Variants in SMPX observed in about 807,000 individuals in gnomAD.
SMPX encodes small muscle protein X-linked.
In SMPX, 2 loss-of-function variants were observed where a neutral mutation model predicts 6.3. The observed-to-expected ratio is 0.32, with a 90% CI of 0.13 to 0.99. The LOEUF (loss-of-function observed/expected upper bound fraction) is 0.99, where lower values mean the gene tolerates loss of function less well. SMPX is among the 50% of genes least tolerant of loss of function. The pLI, the probability that SMPX is intolerant of heterozygous loss-of-function variation, is 0.49. For missense variants in SMPX, 60 were observed against 66.8 expected, an observed-to-expected ratio of 0.90 and a Z score of 0.36; for synonymous variants, 32 against 24.7, an observed-to-expected ratio of 1.30 and a Z score of -0.88.
At chrX:21,725,021 A>G (rs915972480) in intron 4 of SMPX, among the ~76,000 whole-genome samples, 7 of 112,435 alleles carry the variant, frequency 6.2e-5, no homozygotes, top group Non-Finnish European at 1.1e-4. Context: ...CCTGGCCTGT[A>G]TGATGCCCCT....
chrX:21,744,214 G>A (rs1013649186), intron 2 of SMPX, among the ~76,000 whole-genome samples: 11 of 111,614 alleles, frequency 9.9e-5, no homozygotes, highest in African/African-American at 3.6e-4. Context: ...AAGAGCATCT[G>A]CATAAGTCAT....
chrX:21,745,746 A>G (rs1409140232), intron 2 of SMPX, among the ~76,000 whole-genome samples: 1 of 111,943 alleles, frequency 8.9e-6, no homozygotes, highest in East Asian at 2.8e-4. Flanking sequence ...CCATTTATTA[A>G]GCATCTACAG....
chrX:21,734,401 T>C (rs1259222651), intron 4 of SMPX, among the ~76,000 whole-genome samples: 1 of 111,778 alleles, frequency 8.9e-6, no homozygotes, highest in African/African-American at 3.3e-5. Context: ...TGGTTTCTGA[T>C]AGTGGCCCTG....
chrX:21,746,517 G>A (rs987587340), intron 2 of SMPX, among the ~76,000 whole-genome samples: 6 of 111,214 alleles, frequency 5.4e-5, no homozygotes, highest in South Asian at 3.8e-4. Flanking sequence ...CTTTGAAAAC[G>A]AGCAGATAAA....
chrX:21,756,280 A>G (rs978202389), intron 1 of SMPX, among the ~76,000 whole-genome samples: 10 of 112,473 alleles, frequency 8.9e-5, no homozygotes, highest in East Asian at 8.4e-4. Context: ...AAATTAGTCA[A>G]TGAATGATTG....
At chrX:21,722,806 G>A (rs1435254391) in intron 4 of SMPX, among the ~76,000 whole-genome samples, 2 of 110,982 alleles carry the variant, frequency 1.8e-5, no homozygotes, top group Non-Finnish European at 3.8e-5. Context: ...GTGTGACCTT[G>A]CGGAAAGTCA....
chrX:21,719,391 G>A (rs764474588), intron 4 of SMPX, among the ~76,000 whole-genome samples: 104 of 110,610 alleles, frequency 9.4e-4, no homozygotes, highest in Middle Eastern at 4.7e-3. Context: ...GGTGACGCAC[G>A]CCTGTAATCC....
At chrX:21,717,137 C>G (rs1375702900) in intron 4 of SMPX, among the ~76,000 whole-genome samples, 1 of 111,717 alleles carries the variant, frequency 9.0e-6, no homozygotes, top group Non-Finnish European at 1.9e-5. Context: ...CAAATCTCAT[C>G]TTGAATTGTA....
chrX:21,753,783 A>C (rs768037193), intron 2 of SMPX, among the ~76,000 whole-genome samples: 1 of 112,358 alleles, frequency 8.9e-6, no homozygotes, highest in South Asian at 3.7e-4. Flanking sequence ...ACAACTAATA[A>C]CATATGAATT....
intron 2 of SMPX, among the ~76,000 whole-genome samples, chrX:21,749,512 C>T (rs1052924152): frequency 1.8e-5 from 2 of 111,812 alleles, no homozygotes; most frequent in Non-Finnish European, 3.8e-5. Context: ...CCCACTCCTC[C>T]AGCCTTACTC....
At chrX:21,748,203 A>G (rs2092823545) in intron 2 of SMPX, among the ~76,000 whole-genome samples, 1 of 112,225 alleles carries the variant, frequency 8.9e-6, no homozygotes, top group Admixed American at 9.5e-5. Flanking sequence ...GGAATGCATA[A>G]CTGCTTAGGG....
chrX:21,725,447 GCTCAACT>G (rs1408649279), intron 4 of SMPX, among the ~76,000 whole-genome samples: 1 of 112,544 alleles, frequency 8.9e-6, no homozygotes, highest in Non-Finnish European at 1.9e-5. Context: ...GGCAATGGCA[GCTCAACT>G]CTCCAAGTAT....
At chrX:21,732,310 T>C (rs1393694340) in intron 4 of SMPX, among the ~76,000 whole-genome samples, 1 of 112,400 alleles carries the variant, frequency 8.9e-6, no homozygotes, top group Non-Finnish European at 1.9e-5. Flanking sequence ...CTTTCTCCTC[T>C]TTTGAGGAAT....
intron 4 of SMPX, among the ~76,000 whole-genome samples, chrX:21,735,974 C>T (rs758211616): frequency 6.3e-5 from 7 of 111,705 alleles, no homozygotes; most frequent in Non-Finnish European, 1.3e-4. Flanking sequence ...TTAGTTCCTG[C>T]TCACATCAAT....
intron 4 of SMPX, among the ~76,000 whole-genome samples, chrX:21,736,771 A>C (rs2092810912): frequency 1.8e-5 from 2 of 111,150 alleles, no homozygotes; most frequent in Admixed American, 1.9e-4. Context: ...TTGCGGGCTT[A>C]GTAATGTTGG....
At chrX:21,728,484 T>C (rs1402963585) in intron 4 of SMPX, among the ~76,000 whole-genome samples, 3 of 111,632 alleles carry the variant, frequency 2.7e-5, no homozygotes, top group African/African-American at 9.8e-5. Flanking sequence ...AAAGAATGAA[T>C]ATGTGAATGA....
chrX:21,754,282 C>T lies in SMPX; in HGVS notation c.9G>A (p.Met3Ile), dbSNP rs1291259662. 8.3e-7 allele frequency: 1 copy of T among 1,207,019 alleles called. No homozygotes were observed. The highest frequency in any genetic ancestry group is 1.1e-6 in the Non-Finnish European group (1 of 891,172). The change falls in exon 2 of 5, where the codon ATG becomes ATA. Residue 3 changes from methionine to isoleucine, a missense_variant. Coordinates refer to ENST00000379494, the MANE Select transcript of SMPX (RefSeq NM_014332.3). Reference sequence around the variant, plus strand: ...TAACATTGGAAACTGGCTGTTTCGACATATTCATGCAGTCTTATCCCTAAA... The same window carrying T: ...TAACATTGGAAACTGGCTGTTTCGATATATTCATGCAGTCTTATCCCTAAA... MN[M>I]SKQPVSNVRA...
In SMPX at chrX:21,714,998, G is replaced by T. The variant is rs563708118; in HGVS notation, c.*15-8604C>A. Reference sequence around the variant, plus strand: ...TTTAATTATTGAGAATTTGAGGGATGATTTTGATGGCTCTTCTTTAAAAAG... The same window carrying T: ...TTTAATTATTGAGAATTTGAGGGATTATTTTGATGGCTCTTCTTTAAAAAG... On this transcript the variant is annotated intron_variant, in intron 4 of 4. Coordinates refer to ENST00000379494, the MANE Select transcript of SMPX (RefSeq NM_014332.3). 4.5e-5 allele frequency among the ~76,000 whole-genome samples: 5 copies of T among 111,012 alleles called. No homozygotes were observed. The South Asian group carries it at 1.9e-3, about 42-fold the overall frequency.
intron 2 of SMPX, among the ~76,000 whole-genome samples, chrX:21,752,796 C>T (rs1273310853): frequency 1.8e-5 from 2 of 111,719 alleles, no homozygotes; most frequent in East Asian, 2.8e-4. Context: ...GGATTACAGG[C>T]ATGAACCACC....
Sources: gnomAD v4.1 joint callset for allele counts (sites outside exome capture counted in the v4.1 genomes callset) on GRCh38, gnomAD v4.1.1 for gene constraint, MANE v1.5 for transcripts, NCBI Gene and HGNC (gene_info 2026-07-23, HGNC 2026-07-21) for gene names.